SDK1: variants seen among roughly 807,000 people sequenced by gnomAD.
SDK1 encodes the protein sidekick cell adhesion molecule 1, also known as protein sidekick-1.
Under a neutral mutation model 245.5 loss-of-function variants are expected in SDK1, and 157 were observed. The observed-to-expected ratio is 0.64, with a 90% CI of 0.56 to 0.73. SDK1 has a LOEUF of 0.73. SDK1 is among the 30% of genes least tolerant of loss of function. SDK1 has a pLI of 0.00. For missense variants in SDK1, 3,583 were observed against 3,002.3 expected, an observed-to-expected ratio of 1.19 and a Z score of -4.52; for synonymous variants, 1,647 against 1,278.5, an observed-to-expected ratio of 1.29 and a Z score of -6.15.
chr7:3,677,381 G>A (rs1239249945), intron 4 of SDK1, among the ~76,000 whole-genome samples: 1 of 152,196 alleles, frequency 6.6e-6, no homozygotes, highest in African/African-American at 2.4e-5. Flanking sequence ...AGTTTTAATG[G>A]ACTCACAGTT....
Position 4,267,461 on chromosome 7 carries a change from C to T in SDK1, c.*2077C>T, listed in dbSNP as rs1259536564. On this transcript the variant is annotated 3_prime_UTR_variant, in exon 45 of 45. Transcript: ENST00000404826. The stretch of plus-strand genomic sequence containing the variant: ...GCAACCCACAGTTCCCCGGATGAGA[C>T]TCACCACAGTGGACAGTGCCACCTC... The T allele has an allele frequency of 1.0e-6, 1 of 985,322 alleles. No individual in the cohort carries two copies. Among genetic ancestry groups the T allele is most frequent in the Non-Finnish European group, 1.2e-6 (1 of 829,970 alleles). 61.0% of individuals were successfully genotyped at this position (985,322 alleles called of 1,614,324 possible).
intron 35 of SDK1, among the ~76,000 whole-genome samples, chr7:4,187,489 G>A (rs1782962673): frequency 1.3e-5 from 2 of 152,206 alleles, no homozygotes; most frequent in African/African-American, 4.8e-5. Flanking sequence ...CAGGGCTCAG[G>A]TTGCATTCCT....
At chr7:3,637,114 T>G (rs1315084054) in intron 2 of SDK1, among the ~76,000 whole-genome samples, 2 of 151,392 alleles carry the variant, frequency 1.3e-5, no homozygotes, top group African/African-American at 2.4e-5. Flanking sequence ...TGTGTGTGTT[T>G]TGAGAGAGTG....
chr7:3,848,803 C>G (rs1207020474), intron 5 of SDK1, among the ~76,000 whole-genome samples: 1 of 152,114 alleles, frequency 6.6e-6, no homozygotes, highest in Non-Finnish European at 1.5e-5. Context: ...TCCCGAGTAG[C>G]TGGGATTACA....
chr7:3,554,251 C>G (rs1018954695), intron 1 of SDK1, among the ~76,000 whole-genome samples: 1 of 152,126 alleles, frequency 6.6e-6, no homozygotes, highest in African/African-American at 2.4e-5. Context: ...GGAGTGCACT[C>G]TCTGATCGTA....
intron 5 of SDK1, among the ~76,000 whole-genome samples, chr7:3,896,145 G>A (rs115390062): frequency 6.6e-6 from 1 of 152,086 alleles, no homozygotes; most frequent in Non-Finnish European, 1.5e-5. Context: ...AAGTTTTAAA[G>A]ACATTTTAAA....
chr7:3,825,363 C>G (rs1394746185), intron 5 of SDK1, among the ~76,000 whole-genome samples: 1 of 141,388 alleles, frequency 7.1e-6, no homozygotes, highest in African/African-American at 2.6e-5. Context: ...GAGACGAATT[C>G]TATACAGTGG....
In SDK1 at chr7:3,362,366, C is replaced by G. The variant is rs147157700; in HGVS notation, c.298+60482C>G. Among the ~76,000 whole-genome samples the G allele has an allele frequency of 1.2e-3, 181 of 152,198 alleles. 2 individuals are homozygous for G. The highest frequency in any genetic ancestry group is 4.2e-3 in the African/African-American group (176 of 41,538). The stretch of plus-strand genomic sequence containing the variant: ...GGATTTATCTAACACCTGTTTGAAT[C>G]TTCTCTTTTTGTTATCGTGGTGATC... On this transcript the variant is annotated intron_variant, in intron 1 of 44. Coordinates refer to ENST00000404826, the MANE Select transcript of SDK1 (RefSeq NM_152744.4).
intron 5 of SDK1, among the ~76,000 whole-genome samples, chr7:3,948,148 C>T (rs548963074): frequency 6.6e-6 from 1 of 151,696 alleles, no homozygotes; most frequent in East Asian, 1.9e-4. Flanking sequence ...ACAGAAAATG[C>T]ATAGCTTTGC....
At chr7:3,388,272 A>T in intron 1 of SDK1, among the ~76,000 whole-genome samples, 1 of 152,056 alleles carries the variant, frequency 6.6e-6, no homozygotes, top group East Asian at 1.9e-4. Context: ...CTGAGGTTGA[A>T]TAAGCCTTAT....
At chr7:3,835,657 T>C (rs1780014401) in intron 5 of SDK1, among the ~76,000 whole-genome samples, 1 of 152,238 alleles carries the variant, frequency 6.6e-6, no homozygotes, top group Non-Finnish European at 1.5e-5. Context: ...CATCTGTGCA[T>C]TCAGAAATGC....
At chr7:4,002,590 CA>C (rs1215732097) in intron 14 of SDK1, among the ~76,000 whole-genome samples, 3 of 152,272 alleles carry the variant, frequency 2.0e-5, no homozygotes, top group South Asian at 2.1e-4. Context: ...AGTTCCTTCC[CA>C]TACTCTTTAT....
chr7:3,536,415 A>G (rs990244192), intron 1 of SDK1, among the ~76,000 whole-genome samples: 2 of 152,140 alleles, frequency 1.3e-5, no homozygotes, highest in Non-Finnish European at 1.5e-5. Flanking sequence ...TCGTTGGCTC[A>G]TGCCTGTAAT....
intron 25 of SDK1, among the ~76,000 whole-genome samples, chr7:4,125,787 G>C (rs1331786825): frequency 1.3e-5 from 2 of 152,178 alleles, no homozygotes; most frequent in African/African-American, 4.8e-5. Context: ...ACTAGCTATT[G>C]ATCACCTGCT....
intron 23 of SDK1, among the ~76,000 whole-genome samples, chr7:4,111,447 A>G (rs572484829): frequency 6.6e-6 from 1 of 152,186 alleles, no homozygotes; most frequent in Admixed American, 6.5e-5. Context: ...AAGAATAGGA[A>G]TTAGTAATTC....
intron 4 of SDK1, among the ~76,000 whole-genome samples, chr7:3,655,214 A>G (rs188722130): frequency 1.1e-4 from 17 of 151,750 alleles, no homozygotes; most frequent in African/African-American, 3.9e-4. Context: ...CAGGCAGATC[A>G]TCTGAGGTTG....
chr7:3,503,612 G>A (rs1354765153), intron 1 of SDK1, among the ~76,000 whole-genome samples: 2 of 152,124 alleles, frequency 1.3e-5, no homozygotes, highest in Non-Finnish European at 2.9e-5. Flanking sequence ...AGGGGTTTGA[G>A]GCTGCAGTAC....
At position 3,399,794 on chromosome 7, in the gene SDK1, A is replaced by G. The variant is rs190008785; in HGVS notation, c.298+97910A>G. Among the ~76,000 whole-genome samples the G allele has an allele frequency of 2.2e-3, 333 of 152,132 alleles. 2 individuals are homozygous for G. Among genetic ancestry groups the G allele is most frequent in the African/African-American group, 7.7e-3 (318 of 41,506 alleles). ...GTGTATGGCTCTTTCCTCGGCTTGT[A>G]TATGGCCCGGTACATGTGTGTGGAG... On this transcript the variant is annotated intron_variant, in intron 1 of 44. Coordinates refer to ENST00000404826, the MANE Select transcript of SDK1 (RefSeq NM_152744.4).
chr7:3,726,437 G>C (rs886258980), intron 4 of SDK1, among the ~76,000 whole-genome samples: 2 of 152,168 alleles, frequency 1.3e-5, no homozygotes, highest in African/African-American at 2.4e-5. Context: ...CAGTCTTATG[G>C]CAAATTTTGA....
Sources: allele counts gnomAD v4.1 joint callset (sites outside exome capture counted in the v4.1 genomes callset), GRCh38; gene constraint gnomAD v4.1.1; transcripts MANE v1.5; gene names NCBI Gene and HGNC (gene_info 2026-07-23, HGNC 2026-07-21).